CDH12: variants seen among roughly 807,000 people sequenced by gnomAD.
CDH12 encodes cadherin 12.
In CDH12, 41 loss-of-function variants were observed where a neutral mutation model predicts 74.1. That is an observed-to-expected ratio of 0.55 (90% CI 0.43 to 0.72). The LOEUF is 0.72. Ranked by LOEUF, CDH12 falls within the 30% of genes least tolerant of loss-of-function variation. The pLI, the probability that CDH12 is intolerant of heterozygous loss-of-function variation, is 0.00. For missense variants in CDH12, 945 were observed against 977.2 expected, an observed-to-expected ratio of 0.97 and a Z score of 0.44; for synonymous variants, 399 against 355.0, an observed-to-expected ratio of 1.12 and a Z score of -1.39.
chr5:22,074,412 T>A (rs1019227287), intron 5 of CDH12, among the ~76,000 whole-genome samples: 2 of 152,138 alleles, frequency 1.3e-5, no homozygotes, highest in Admixed American at 6.6e-5. Flanking sequence ...GGCAAGGACT[T>A]CATGACTAAA....
intron 5 of CDH12, among the ~76,000 whole-genome samples, chr5:22,007,355 A>G (rs916366047): frequency 3.9e-5 from 6 of 152,296 alleles, no homozygotes; most frequent in Admixed American, 3.9e-4. Flanking sequence ...TCTGGTAAGT[A>G]TGTGAGGTAA....
chr5:22,591,705 T>A (rs753748472), intron 1 of CDH12, among the ~76,000 whole-genome samples: 1 of 152,038 alleles, frequency 6.6e-6, no homozygotes, highest in African/African-American at 2.4e-5. Flanking sequence ...TACCAAAGAG[T>A]TTCAGTTCTC....
chr5:22,374,428 C>G (rs1257772119), intron 3 of CDH12, among the ~76,000 whole-genome samples: 3 of 152,014 alleles, frequency 2.0e-5, no homozygotes, highest in African/African-American at 7.2e-5. Flanking sequence ...TTTACCATTC[C>G]TATTCAATAT....
At chr5:22,276,343 A>G (rs1736634203) in intron 3 of CDH12, among the ~76,000 whole-genome samples, 2 of 152,200 alleles carry the variant, frequency 1.3e-5, no homozygotes, top group South Asian at 4.1e-4. Flanking sequence ...AAAGTGTGGA[A>G]AAATAAATAC....
intron 2 of CDH12, among the ~76,000 whole-genome samples, chr5:22,471,319 A>T (rs1460075362): frequency 1.3e-5 from 2 of 152,072 alleles, no homozygotes; most frequent in East Asian, 1.9e-4. Context: ...AAGATTTTTC[A>T]TTCTCTTCTC....
intron 4 of CDH12, among the ~76,000 whole-genome samples, chr5:22,080,446 C>A (rs1370574103): frequency 1.3e-5 from 2 of 152,008 alleles, no homozygotes; most frequent in African/African-American, 2.4e-5. Flanking sequence ...AAATTTTTTT[C>A]TTCTTTATAA....
chr5:21,761,411 G>C (rs149276361), intron 12 of CDH12, among the ~76,000 whole-genome samples: 1 of 152,070 alleles, frequency 6.6e-6, no homozygotes, highest in African/African-American at 2.4e-5. Context: ...ATGGCTTTGA[G>C]GCATTTATTT....
chr5:22,721,184 T>C (rs1323302280), intron 1 of CDH12, among the ~76,000 whole-genome samples: 1 of 152,212 alleles, frequency 6.6e-6, no homozygotes, highest in Non-Finnish European at 1.5e-5. Flanking sequence ...CTGTGCAGCC[T>C]AGGAACTTAG....
In CDH12 at chr5:22,281,762, T is replaced by C. The variant is rs1270297557; in HGVS notation, c.-332-69119A>G. On this transcript the variant is annotated intron_variant, in intron 3 of 14. Coordinates refer to ENST00000382254, the MANE Select transcript of CDH12 (RefSeq NM_004061.5). The stretch of plus-strand genomic sequence containing the variant: ...TAGAATAACATTCCATGCTCATGGA[T>C]AGAAAAAATCAATATTGTGAAAATG... Among the ~76,000 whole-genome samples the C allele has an allele frequency of 6.6e-5, 10 of 152,108 alleles. 1 individual carries two copies. Among genetic ancestry groups the C allele is most frequent in the Admixed American group, 2.0e-4 (3 of 15,260 alleles).
At chr5:22,465,818 T>C (rs1327768359) in intron 2 of CDH12, among the ~76,000 whole-genome samples, 1 of 152,188 alleles carries the variant, frequency 6.6e-6, no homozygotes, top group African/African-American at 2.4e-5. Context: ...GCTCACCATG[T>C]CCATCACTGT....
intron 2 of CDH12, among the ~76,000 whole-genome samples, chr5:22,478,209 G>C (rs1051158564): frequency 1.3e-5 from 2 of 151,954 alleles, no homozygotes; most frequent in Non-Finnish European, 2.9e-5. Flanking sequence ...ATGAGGTCAG[G>C]AGATCGAGAC....
At chr5:21,765,252 A>T (rs990398232) in intron 11 of CDH12, among the ~76,000 whole-genome samples, 153 bp from the exon 12 acceptor site, 2 of 152,172 alleles carry the variant, frequency 1.3e-5, no homozygotes, top group Admixed American at 1.3e-4. Flanking sequence ...CAACTACAAG[A>T]TGATAAAGGA....
At chr5:22,769,088 G>A (rs1172254585) in intron 1 of CDH12, among the ~76,000 whole-genome samples, 1 of 152,110 alleles carries the variant, frequency 6.6e-6, no homozygotes, top group Non-Finnish European at 1.5e-5. Context: ...GTTTCCCCCA[G>A]TGATGGTTAC....
chr5:22,292,169 C>A (rs142876193), intron 3 of CDH12, among the ~76,000 whole-genome samples: 1 of 151,806 alleles, frequency 6.6e-6, no homozygotes, highest in Admixed American at 6.6e-5. Context: ...GAAATTAAAC[C>A]CTTATCTCAT....
intron 4 of CDH12, chr5:22,144,197 T>C (rs911051094): frequency 1.3e-5 from 2 of 152,224 alleles, no homozygotes; most frequent in African/African-American, 4.8e-5. Flanking sequence ...AAATATAAGT[T>C]GTTCTTTTCT....
At chr5:22,098,740 A>C (rs1380916499) in intron 4 of CDH12, among the ~76,000 whole-genome samples, 1 of 151,982 alleles carries the variant, frequency 6.6e-6, no homozygotes, top group African/African-American at 2.4e-5. Flanking sequence ...CCATGACTGT[A>C]TCCCTCTGAT....
intron 1 of CDH12, among the ~76,000 whole-genome samples, chr5:22,851,200 C>G (rs1229929158): frequency 6.6e-6 from 1 of 152,046 alleles, no homozygotes; most frequent in East Asian, 1.9e-4. Context: ...CACTCCCTCC[C>G]CCTCCCCCCA....
At chr5:22,382,465 T>C (rs1237074368) in intron 3 of CDH12, among the ~76,000 whole-genome samples, 3 of 151,784 alleles carry the variant, frequency 2.0e-5, no homozygotes, top group Non-Finnish European at 2.9e-5. Flanking sequence ...GAGTGTTGCA[T>C]CATGAGGCTT....
At chr5:22,129,588 A>G (rs1219511010) in intron 4 of CDH12, among the ~76,000 whole-genome samples, 1 of 152,164 alleles carries the variant, frequency 6.6e-6, no homozygotes, top group African/African-American at 2.4e-5. Flanking sequence ...CAGGTCTTTG[A>G]ATGTTAAGAC....
Sources: allele counts gnomAD v4.1 joint callset (sites outside exome capture counted in the v4.1 genomes callset), GRCh38; gene constraint gnomAD v4.1.1; transcripts MANE v1.5; gene names NCBI Gene and HGNC (gene_info 2026-07-23, HGNC 2026-07-21).